The following KIF19 variants were observed in gnomAD, a reference collection of about 807,000 sequenced individuals.
KIF19 encodes the protein kinesin-like protein KIF19.
A neutral mutation model predicts 106.6 loss-of-function variants in KIF19; 98 were observed. The observed-to-expected ratio is 0.92, with a 90% CI of 0.78 to 1.09. The LOEUF (loss-of-function observed/expected upper bound fraction) is 1.09. KIF19 is among the 50% of genes least tolerant of loss of function. The pLI is 0.00. For synonymous variants in KIF19, 516 were observed against 584.2 expected, an observed-to-expected ratio of 0.88 and a Z score of 1.68; for missense variants, 1,373 against 1,414.3, an observed-to-expected ratio of 0.97 and a Z score of 0.47.
chr17:74,336,745 G>C (rs2054228078), intron 2 of KIF19, among the ~76,000 whole-genome samples: 1 of 152,192 alleles, frequency 6.6e-6, no homozygotes, highest in Admixed American at 6.5e-5. Context: ...TTTGCAGTGA[G>C]GCTGTGGGTA....
rs2054734742 is a variant in KIF19 at position 74,352,245 on chromosome 17, C to G, written c.1885C>G (p.Leu629Val). ...CTACAACCTGGCCGTCCCGCAGCGC[C>G]TGGAAGAGCTCTACGAAGTGTACCT... ...DDYNLAVPQR[L>V]EELYEVYLRE... The change falls in exon 14 of 20, where the codon CTG becomes GTG. Residue 629 changes from leucine (L) to valine (V), a missense_variant. This residue lies in a region of KIF19 where 1,020 missense variants were observed against 1,008.2 expected (regional missense o/e 1.01). Coordinates refer to ENST00000389916, the MANE Select transcript of KIF19 (RefSeq NM_153209.4). 6.2e-7 allele frequency: 1 copy of G among 1,613,108 alleles called. No homozygotes were observed. The highest frequency in any genetic ancestry group is 8.5e-7 in the Non-Finnish European group (1 of 1,179,760).
chr17:74,336,283 G>C (rs1403988194), intron 2 of KIF19, among the ~76,000 whole-genome samples: 1 of 152,146 alleles, frequency 6.6e-6, no homozygotes, highest in African/African-American at 2.4e-5. Flanking sequence ...TGGCTAGGCT[G>C]TTCTTGAACT....
chr17:74,352,281 G>T lies in KIF19; in HGVS notation c.1921G>T (p.Glu641Ter). 1 of 1,612,624 alleles carries T rather than the reference G, an allele frequency of 6.2e-7. No individual in the cohort carries two copies. The change falls in exon 14 of 20, where the codon GAG becomes TAG. Residue 641 changes from glutamate (E) to a stop codon, truncating the protein, a stop_gained. Transcript: ENST00000389916. LOFTEE classifies it high-confidence loss of function. ...CTACGAAGTGTACCTGCGGGAGCTG[G>T]AGGAGGGCAGCCTGGAGCAGGCCAC... ...ELYEVYLREL[E>*]EGSLEQATIM...
intron 1 of KIF19, among the ~76,000 whole-genome samples, chr17:74,327,788 G>A (rs74972707): frequency 0.057 from 8,685 of 152,238 alleles, 476 homozygotes; most frequent in African/African-American, 0.14. Context: ...GTCTTCACTC[G>A]GCCAGAGGGC....
At chr17:74,336,431 CA>C (rs2144220888) in intron 2 of KIF19, among the ~76,000 whole-genome samples, 1 of 152,310 alleles carries the variant, frequency 6.6e-6, no homozygotes, top group East Asian at 1.9e-4. Context: ...GACCTGTGCC[CA>C]AATTTCCCCT....
chr17:74,340,661 C>T (rs915703296), intron 2 of KIF19, among the ~76,000 whole-genome samples: 1 of 152,256 alleles, frequency 6.6e-6, no homozygotes, highest in Admixed American at 6.5e-5. Context: ...CCAAGCCCCT[C>T]TGCCTCCCTT....
At chr17:74,354,639 C>G in intron 18 of KIF19, 80 bp downstream of exon 18, 2 of 1,537,756 alleles carry the variant, frequency 1.3e-6, no homozygotes, top group Non-Finnish European at 1.8e-6. Context: ...TCCAAAGGCT[C>G]CAGGGCACCT....
In KIF19 at chr17:74,352,964, GGGCCACCT is replaced by G. The variant is rs770600650; in HGVS notation, c.2114+12_2114+19del. On this transcript the variant is annotated intron_variant, in intron 15 of 19. Coordinates refer to ENST00000389916, the MANE Select transcript of KIF19 (RefSeq NM_153209.4). ...CCCTCAGCACAGAGAGGTGAGATGG[GGGCCACCT>G]GCCCCAGCCCCCACCCTGTGCCCTG... The G allele has an allele frequency of 6.2e-7, 1 of 1,613,456 alleles. No homozygotes were observed. The highest frequency in any genetic ancestry group is 1.3e-5 in the African/African-American group (1 of 75,034).
At position 74,346,471 on chromosome 17, in the gene KIF19, G is replaced by A. The variant is rs77990549; in HGVS notation, c.871G>A (p.Gly291Ser). 6.4e-7 allele frequency: 1 copy of A among 1,554,144 alleles called. No homozygotes were observed. The highest frequency in any genetic ancestry group is 8.7e-7 in the Non-Finnish European group (1 of 1,148,646). The stretch of plus-strand genomic sequence containing the variant: ...CTGCATCAACGCCCTGAGCGACAAG[G>A]GTAGCAACAAGTACATCAACTATCG... ...GNCINALSDKGSNKYINYRDS... is the reference protein window; with the variant it reads ...GNCINALSDKSSNKYINYRDS... The change falls in exon 8 of 20, where the codon GGT (glycine) becomes AGT (serine). Residue 291 changes from glycine to serine, a missense_variant. By Grantham distance (56) the Gly-to-Ser change is moderately conservative. Around this residue, in one of 3 missense-constraint regions of KIF19, gnomAD observed 1,020 missense variants for 1,008.2 expected, o/e 1.01. Transcript: ENST00000389916. This position sits in a 1 kb window ranked among gnomAD's most constrained non-coding sequence, Gnocchi z 4.6.
intron 2 of KIF19, among the ~76,000 whole-genome samples, chr17:74,330,785 G>T (rs1469976501): frequency 1.3e-5 from 2 of 152,310 alleles, no homozygotes; most frequent in East Asian, 3.9e-4. Context: ...CTCCAAGAAG[G>T]CCTCTGAGCT....
chr17:74,333,361 A>ATTTTTTTTT (rs35232394), intron 2 of KIF19, among the ~76,000 whole-genome samples: 1 of 129,482 alleles, frequency 7.7e-6, no homozygotes, highest in East Asian at 2.3e-4. Flanking sequence ...TGTGGTCCTA[A>ATTTTTTTTT]TTTTTTTTTT....
In KIF19 at chr17:74,354,811, G is replaced by T; in HGVS notation, c.2736G>T (p.Gly912=). 6.4e-7 allele frequency: 1 copy of T among 1,559,582 alleles called. No homozygotes were observed. Among genetic ancestry groups the T allele is most frequent in the South Asian group, 1.2e-5 (1 of 84,434 alleles). ...CCCACCCCAAGACACACCTCCTGGGGCCCCATCAGGCGGAGCGCATCTCGG... is the reference window on the plus strand; with the variant it reads ...CCCACCCCAAGACACACCTCCTGGGTCCCCATCAGGCGGAGCGCATCTCGG... ...GLSHPKTHLL[G]PHQAERISDH... The change falls in exon 19 of 20, where the codon GGG becomes GGT. Residue 912 remains glycine, a synonymous_variant. Transcript: ENST00000389916.
At position 74,353,514 on chromosome 17, in the gene KIF19, G is replaced by C; in HGVS notation, c.2241G>C (p.Leu747=). 6.2e-7 allele frequency: 1 copy of C among 1,613,860 alleles called. No individual in the cohort carries two copies. Among genetic ancestry groups the C allele is most frequent in the Non-Finnish European group, 8.5e-7 (1 of 1,179,868 alleles). ...VTQEAPAQDS[L]GSWINSSPDS... ...CACAGGCCCCGGCTCAGGACAGCCTGGGCAGCTGGATCAACTCTTCCCCTG... is the reference window on the plus strand; with the variant it reads ...CACAGGCCCCGGCTCAGGACAGCCTCGGCAGCTGGATCAACTCTTCCCCTG... The change falls in exon 17 of 20, where the codon CTG becomes CTC. Residue 747 remains leucine (L), a synonymous_variant. Coordinates refer to ENST00000389916, the MANE Select transcript of KIF19 (RefSeq NM_153209.4).
intron 2 of KIF19, among the ~76,000 whole-genome samples, chr17:74,338,802 G>A (rs1447044324): frequency 2.0e-5 from 3 of 151,852 alleles, no homozygotes; most frequent in Non-Finnish European, 4.4e-5. Flanking sequence ...GGACCCAGAG[G>A]GACCCACGAG....
chr17:74,327,463 G>A (rs774175149), intron 1 of KIF19, among the ~76,000 whole-genome samples: 2 of 152,216 alleles, frequency 1.3e-5, no homozygotes, highest in African/African-American at 4.8e-5. Context: ...CCCTCTGAAA[G>A]TGCCTTTTGT....
chr17:74,341,482 G>T (rs956039546), intron 2 of KIF19, among the ~76,000 whole-genome samples: 1 of 152,216 alleles, frequency 6.6e-6, no homozygotes, highest in South Asian at 2.1e-4. Context: ...GTCTGGGCTC[G>T]TGGTAGCCTG....
At chr17:74,352,395 G>A (rs1173229097) in intron 14 of KIF19, 55 bp downstream of exon 14, 35 of 1,553,106 alleles carry the variant, frequency 2.3e-5, no homozygotes, top group Non-Finnish European at 3.0e-5. Flanking sequence ...GGGAGGGGCT[G>A]ATGACCAAGG....
In KIF19 at chr17:74,354,823, G is replaced by C; in HGVS notation, c.2748G>C (p.Ala916=). 2 of 1,560,518 alleles carry C rather than the reference G, an allele frequency of 1.3e-6. No individual in the cohort carries two copies. Among genetic ancestry groups the C allele is most frequent in the Non-Finnish European group, 1.7e-6 (2 of 1,152,510 alleles). ...PKTHLLGPHQ[A]ERISDHRMPV... ...CACACCTCCTGGGGCCCCATCAGGC[G>C]GAGCGCATCTCGGACCACAGGATGC... is the stretch of plus-strand genomic sequence containing the variant. Residue 916 remains alanine (A), a synonymous_variant, in exon 19 of 20, where the codon GCG becomes GCC. Transcript: ENST00000389916.
Position 74,342,004 on chromosome 17 carries a change from C to G in KIF19, c.231+18C>G. 2 of 1,563,466 alleles carry G rather than the reference C, an allele frequency of 1.3e-6. No homozygotes were observed. Among genetic ancestry groups the G allele is most frequent in the South Asian group, 2.2e-5 (2 of 89,298 alleles). ...CCACCCAGGTGAGGGAGGGCCTGGG[C>G]TGGAGACACGCAGGAGCCCCTCCCC... On this transcript the variant is annotated intron_variant, in intron 3 of 19. Transcript: ENST00000389916.
Sources: gnomAD v4.1 joint callset for allele counts (sites outside exome capture counted in the v4.1 genomes callset) on GRCh38, gnomAD v4.1.1 for gene constraint, gnomAD v4.1.1 regional missense constraint, Gnocchi (gnomAD v3.1) non-coding constraint, MANE v1.5 for transcripts, NCBI Gene and HGNC (gene_info 2026-07-23, HGNC 2026-07-21) for gene names.